VAT1L: variants seen among roughly 807,000 people sequenced by gnomAD.
VAT1L encodes vesicle amine transport 1 like.
Under a neutral mutation model 44.1 loss-of-function variants are expected in VAT1L, and 34 were observed. The observed-to-expected ratio is 0.77, with a 90% confidence interval of 0.59 to 1.03. VAT1L has a LOEUF of 1.03. VAT1L is among the 50% of genes least tolerant of loss of function. VAT1L has a pLI of 0.00. For missense variants in VAT1L, 615 were observed against 538.8 expected, an observed-to-expected ratio of 1.14 and a Z score of -1.40; for synonymous variants, 253 against 202.2, an observed-to-expected ratio of 1.25 and a Z score of -2.13.
intron 1 of VAT1L, among the ~76,000 whole-genome samples, chr16:77,811,271 A>G (rs1466746408): frequency 6.6e-6 from 1 of 152,222 alleles, no homozygotes; most frequent in African/African-American, 2.4e-5. Flanking sequence ...TGCTACATGT[A>G]TCTTTGCTAA....
intron 1 of VAT1L, among the ~76,000 whole-genome samples, chr16:77,802,968 C>T (rs528568527): frequency 2.0e-5 from 3 of 152,258 alleles, no homozygotes; most frequent in Admixed American, 2.0e-4. Context: ...GCCGGCAGCC[C>T]AGCAATGATT....
intron 7 of VAT1L, among the ~76,000 whole-genome samples, chr16:77,889,651 G>A (rs201857163): frequency 6.6e-6 from 1 of 152,306 alleles, no homozygotes; most frequent in East Asian, 1.9e-4. Context: ...CATAGACAAC[G>A]TGTTTCCTGC....
At position 77,950,265 on chromosome 16, in the gene VAT1L, C is replaced by T. The variant is rs150300433; in HGVS notation, c.1078-21585C>T. Among the ~76,000 whole-genome samples, 557 of 152,202 alleles carry T rather than the reference C, an allele frequency of 3.7e-3. 2 individuals are homozygous for T. The highest frequency in any genetic ancestry group is 0.013 in the African/African-American group (531 of 41,522). ...CTCTACTAAAAATACAAAAATTAGC[C>T]AGGTGTGGTGGTGGGTGCCTGTAAT... On this transcript the variant is annotated intron_variant, in intron 7 of 8. Transcript: ENST00000302536.
intron 6 of VAT1L, among the ~76,000 whole-genome samples, chr16:77,880,969 G>T (rs545402892): frequency 6.6e-6 from 1 of 152,038 alleles, no homozygotes; most frequent in Non-Finnish European, 1.5e-5. Context: ...TGGTGTATAC[G>T]TCTCACATTT....
intron 7 of VAT1L, among the ~76,000 whole-genome samples, chr16:77,897,173 A>G (rs1305336255): frequency 2.0e-5 from 3 of 152,184 alleles, no homozygotes; most frequent in Non-Finnish European, 2.9e-5. Flanking sequence ...TTTAAATCAG[A>G]TAATGCATGA....
At chr16:77,976,024 C>G (rs373012118) in intron 8 of VAT1L, among the ~76,000 whole-genome samples, 1 of 152,176 alleles carries the variant, frequency 6.6e-6, no homozygotes, top group Non-Finnish European at 1.5e-5. Context: ...TTAAAAGAAC[C>G]AATGTCTGCG....
intron 3 of VAT1L, among the ~76,000 whole-genome samples, chr16:77,859,567 A>C (rs2016895143): frequency 6.6e-6 from 1 of 152,204 alleles, no homozygotes; most frequent in Admixed American, 6.5e-5. Context: ...TGACATGTTC[A>C]GTGTTGTGTT....
At chr16:77,942,755 G>GT (rs1178057561) in intron 7 of VAT1L, among the ~76,000 whole-genome samples, 4 of 151,770 alleles carry the variant, frequency 2.6e-5, no homozygotes, top group Admixed American at 2.0e-4. Flanking sequence ...TTTTGTCTTT[G>GT]TTTTTTTGAG....
intron 3 of VAT1L, among the ~76,000 whole-genome samples, chr16:77,826,249 T>C (rs117596176): frequency 0.028 from 4,307 of 151,884 alleles, 91 homozygotes; most frequent in Middle Eastern, 0.055. Flanking sequence ...TCAACAGTCT[T>C]GGTATCATGA....
chr16:77,936,134 G>A (rs531849809), intron 7 of VAT1L, among the ~76,000 whole-genome samples: 1 of 152,290 alleles, frequency 6.6e-6, no homozygotes, highest in East Asian at 1.9e-4. Context: ...TAACTTCCCA[G>A]GACTGGCTGG....
At position 77,939,485 on chromosome 16, in the gene VAT1L, T is replaced by G. The variant is rs1304614226; in HGVS notation, c.1078-32365T>G. Among the ~76,000 whole-genome samples the G allele has an allele frequency of 5.1e-4, 77 of 152,220 alleles. 1 individual carries two copies. The highest frequency in any genetic ancestry group is 1.5e-5 in the Non-Finnish European group (1 of 68,040). On this transcript the variant is annotated intron_variant, in intron 7 of 8. Coordinates refer to ENST00000302536, the MANE Select transcript of VAT1L (RefSeq NM_020927.3). ...ATCAGGGCTCCCTTTAGAGATCTGT[T>G]GTTACATATTGACCATCACATCAGT...
chr16:77,967,029 G>A (rs2018230524), intron 7 of VAT1L, among the ~76,000 whole-genome samples: 1 of 150,750 alleles, frequency 6.6e-6, no homozygotes, highest in Admixed American at 6.6e-5. Context: ...AGCCCATCGA[G>A]CCCATCACCA....
intron 7 of VAT1L, among the ~76,000 whole-genome samples, chr16:77,924,391 T>C (rs1217433762): frequency 6.6e-6 from 1 of 152,096 alleles, no homozygotes; most frequent in Admixed American, 6.6e-5. Flanking sequence ...GAGCCGGGAA[T>C]GAGCACATCA....
At chr16:77,825,015 C>A (rs1318125296) in intron 2 of VAT1L, among the ~76,000 whole-genome samples, 1 of 151,556 alleles carries the variant, frequency 6.6e-6, no homozygotes, top group African/African-American at 2.4e-5. Flanking sequence ...TACAGGCATG[C>A]GCCATCACGC....
intron 4 of VAT1L, among the ~76,000 whole-genome samples, chr16:77,868,202 C>T (rs1286696380): frequency 6.6e-6 from 1 of 152,174 alleles, no homozygotes; most frequent in East Asian, 1.9e-4. Flanking sequence ...GTATACACAA[C>T]TCAGGATTCT....
chr16:77,973,852 G>A (rs1270029328), intron 8 of VAT1L, among the ~76,000 whole-genome samples: 2 of 151,882 alleles, frequency 1.3e-5, no homozygotes, highest in Non-Finnish European at 2.9e-5. Flanking sequence ...CAGCCTCCCA[G>A]GTGGCTGGGA....
In VAT1L at chr16:77,864,541, G is replaced by A. The variant is rs145018308; in HGVS notation, c.722+1651G>A. ...GGATCGCTTGATCCCGAGAGGTAGA[G>A]GTTGCAGTGAGCTGAGATCATGCCA... On this transcript the variant is annotated intron_variant, in intron 4 of 8. Transcript: ENST00000302536. 1.4e-4 allele frequency among the ~76,000 whole-genome samples: 22 copies of A among 152,310 alleles called. No homozygotes were observed. In the East Asian group the frequency reaches 4.2e-3, roughly 29 times the overall value.
intron 3 of VAT1L, among the ~76,000 whole-genome samples, chr16:77,862,336 C>G (rs752437296): frequency 6.6e-6 from 1 of 152,156 alleles, no homozygotes; most frequent in African/African-American, 2.4e-5. Flanking sequence ...AAAGGCCCCC[C>G]GGGCACAGTG....
At chr16:77,955,679 C>G (rs1383334635) in intron 7 of VAT1L, among the ~76,000 whole-genome samples, 1 of 149,050 alleles carries the variant, frequency 6.7e-6, no homozygotes, top group Non-Finnish European at 1.5e-5. Context: ...GAGCTGAGAT[C>G]GCAACACTAC....
Sources: allele counts gnomAD v4.1 joint callset (sites outside exome capture counted in the v4.1 genomes callset), GRCh38; gene constraint gnomAD v4.1.1; transcripts MANE v1.5; gene names NCBI Gene and HGNC (gene_info 2026-07-23, HGNC 2026-07-21).